The following MCC variants were observed in gnomAD, a reference collection of about 807,000 sequenced individuals.
MCC encodes the protein colorectal mutant cancer protein.
A neutral mutation model predicts 116.2 loss-of-function variants in MCC; 90 were observed. That is an observed-to-expected ratio of 0.77 (90% CI 0.65 to 0.92). The LOEUF (loss-of-function observed/expected upper bound fraction) is 0.92. Ranked by LOEUF, MCC falls within the 40% of genes least tolerant of loss-of-function variation. MCC has a pLI of 0.00. For missense variants in MCC, 1,516 were observed against 1,312.2 expected (o/e 1.16, Z -2.40); for synonymous variants, 578 against 510.5 (o/e 1.13, Z -1.78).
rs146365460 is a variant in MCC, at chr5:113,051,267, G to A, written c.2449-1968C>T. On this transcript the variant is annotated intron_variant, in intron 15 of 18. Transcript: ENST00000408903. ...ATTCTCTCCCCCTACCCCCACCACC[G>A]AGGAAATGAGAATGAATCAGCACTG... is the stretch of plus-strand genomic sequence containing the variant. Among the ~76,000 whole-genome samples, 17 of 152,284 alleles carry A rather than the reference G, an allele frequency of 1.1e-4. No homozygotes were observed. The East Asian group carries it at 1.9e-3, about 17-fold the overall frequency.
At chr5:113,334,063 T>C (rs992940374) in intron 3 of MCC, among the ~76,000 whole-genome samples, 2 of 147,478 alleles carry the variant, frequency 1.4e-5, no homozygotes, top group Non-Finnish European at 3.0e-5. Flanking sequence ...ATAAAGCTAA[T>C]AATACTTTAA....
intron 5 of MCC, among the ~76,000 whole-genome samples, chr5:113,128,760 CTGGG>C (rs1758251228): frequency 1.3e-5 from 2 of 152,174 alleles, no homozygotes; most frequent in South Asian, 4.1e-4. Context: ...ACTCTTCTTT[CTGGG>C]TTTTATTTTT....
chr5:113,063,891 C>A (rs1753395379), intron 14 of MCC, 93 bp downstream of exon 14: 2 of 1,365,808 alleles, frequency 1.5e-6, no homozygotes, highest in South Asian at 3.0e-5. Flanking sequence ...CCAAGCCACA[C>A]AGTCCCCAAG....
At chr5:113,214,831 G>A (rs1249229011) in intron 3 of MCC, among the ~76,000 whole-genome samples, 2 of 152,140 alleles carry the variant, frequency 1.3e-5, no homozygotes, top group African/African-American at 4.8e-5. Context: ...TCAGACAATG[G>A]CTCCTCATTG....
At chr5:113,460,811 C>T (rs1771722730) in intron 1 of MCC, among the ~76,000 whole-genome samples, 1 of 152,126 alleles carries the variant, frequency 6.6e-6, no homozygotes, top group South Asian at 2.1e-4. Context: ...AACACCTGAC[C>T]GTTTGTCAGA....
intron 1 of MCC, among the ~76,000 whole-genome samples, chr5:113,480,991 C>T (rs772904203): frequency 6.6e-6 from 1 of 151,996 alleles, no homozygotes; most frequent in African/African-American, 2.4e-5. Flanking sequence ...TGCTCAGGCT[C>T]GTCTTGAACT....
chr5:113,459,133 A>ATGTGTGTGTGTGTGTGTG (rs542497591), intron 1 of MCC, among the ~76,000 whole-genome samples: 4 of 68,362 alleles, frequency 5.9e-5, no homozygotes, highest in African/African-American at 1.2e-4. Context: ...GAGTAAGGAT[A>ATGTGTGTGTGTGTGTGTG]TGTGTGTGTG....
chr5:113,313,920 A>C (rs1262005410), intron 3 of MCC, among the ~76,000 whole-genome samples: 1 of 152,124 alleles, frequency 6.6e-6, no homozygotes, highest in Non-Finnish European at 1.5e-5. Context: ...TCCTGGGCTC[A>C]AGTGATCCTC....
chr5:113,472,192 C>T (rs1294291759), intron 1 of MCC, among the ~76,000 whole-genome samples: 1 of 152,154 alleles, frequency 6.6e-6, no homozygotes. Context: ...TCTGGCACTC[C>T]CCAGTGAGAT....
chr5:113,450,479 A>C (rs1431990620), intron 1 of MCC, among the ~76,000 whole-genome samples: 5 of 152,176 alleles, frequency 3.3e-5, no homozygotes, highest in Non-Finnish European at 5.9e-5. Flanking sequence ...TGGCAGCATC[A>C]TGAACAGAAA....
chr5:113,313,147 C>T (rs1451699461), intron 3 of MCC, among the ~76,000 whole-genome samples: 2 of 152,082 alleles, frequency 1.3e-5, no homozygotes. Context: ...GAGTTCATGA[C>T]CAGCCTGGCC....
At chr5:113,222,695 A>G (rs76433268) in intron 3 of MCC, among the ~76,000 whole-genome samples, 1,539 of 152,352 alleles carry the variant, frequency 0.01, 25 homozygotes, top group African/African-American at 0.035. Context: ...ACATTTTGAA[A>G]TGGCACATAT....
chr5:113,107,634 G>A (rs796107024), intron 6 of MCC, among the ~76,000 whole-genome samples: 5 of 152,292 alleles, frequency 3.3e-5, no homozygotes, highest in African/African-American at 1.2e-4. Context: ...GTACCCTCTG[G>A]TGCAGGTCTC....
intron 3 of MCC, among the ~76,000 whole-genome samples, chr5:113,211,617 A>G (rs1286256795): frequency 6.6e-6 from 1 of 152,228 alleles, no homozygotes; most frequent in Non-Finnish European, 1.5e-5. Flanking sequence ...TAAAGATCAG[A>G]AAACAGGCTC....
rs869214073 is a variant in MCC, at chr5:113,327,561, A to AATATATATATATAT, written c.627+12944_627+12957dup. ...ACTCAGTCTCAAAAAAAAAAAAAAA[A>AATATATATATATAT]ATATATATATATATATATATATATA... On this transcript the variant is annotated intron_variant, in intron 3 of 18. Transcript: ENST00000408903. 6.0e-3 allele frequency among the ~76,000 whole-genome samples: 482 copies of AATATATATATATAT among 80,362 alleles called. 5 individuals carry two copies. The highest frequency in any genetic ancestry group is 0.011 in the African/African-American group (227 of 20,020). The allele number at this position is 80,362 out of a possible 152,430, so 52.7% of individuals were successfully genotyped here. A position where few individuals can be genotyped will look rare whatever the true frequency, so the allele number is the denominator to read the frequency against.
At position 113,271,160 on chromosome 5, in the gene MCC, A is replaced by T. The variant is rs113763332; in HGVS notation, c.627+69359T>A. On this transcript the variant is annotated intron_variant, in intron 3 of 18. Coordinates refer to ENST00000408903, the MANE Select transcript of MCC (RefSeq NM_001085377.2). ...GAGGCCTTTGTTTACATTTCTAAGC[A>T]CAGAATTGCAAGGATATAATGCAGC... 6.7e-3 allele frequency among the ~76,000 whole-genome samples: 1,028 copies of T among 152,308 alleles called. 12 individuals are homozygous for T. The highest frequency in any genetic ancestry group is 0.024 in the African/African-American group (982 of 41,558).
chr5:113,471,589 G>C (rs1461380362), intron 1 of MCC, among the ~76,000 whole-genome samples: 1 of 152,098 alleles, frequency 6.6e-6, no homozygotes, highest in Non-Finnish European at 1.5e-5. Context: ...ACTGGGGGGT[G>C]CCTCCCAGTT....
At chr5:113,403,072 C>T (rs940059458) in intron 1 of MCC, among the ~76,000 whole-genome samples, 4 of 152,096 alleles carry the variant, frequency 2.6e-5, no homozygotes, top group Admixed American at 2.0e-4. Flanking sequence ...CTTGTACTTA[C>T]CTTGCTGCAG....
chr5:113,075,842 G>A (rs1303854418), intron 11 of MCC, among the ~76,000 whole-genome samples: 2 of 152,176 alleles, frequency 1.3e-5, no homozygotes, highest in African/African-American at 4.8e-5. Context: ...TTTAAGAGCT[G>A]TAACACTCAA....
Sources: allele counts gnomAD v4.1 joint callset (sites outside exome capture counted in the v4.1 genomes callset), GRCh38; gene constraint gnomAD v4.1.1; transcripts MANE v1.5; gene names NCBI Gene and HGNC (gene_info 2026-07-23, HGNC 2026-07-21).